ULK4: variants seen among roughly 807,000 people sequenced by gnomAD.
The protein encoded by ULK4 is inactive serine/threonine-protein kinase ULK4.
ULK4 carries 133 observed loss-of-function variants against 160.6 expected under a neutral mutation model. The ratio of observed to expected loss-of-function variants is 0.83; its 90% CI spans 0.72 to 0.96. ULK4 has a LOEUF of 0.96. Ranked by LOEUF, ULK4 falls within the 40% of genes least tolerant of loss-of-function variation. The pLI is 0.00. For missense variants in ULK4, 1,580 were observed against 1,499.5 expected (o/e 1.05, Z -0.89); for synonymous variants, 534 against 539.8 (o/e 0.99, Z 0.15).
chr3:41,552,178 G>A lies in ULK4; in HGVS notation c.3226+13847C>T, dbSNP rs370737888. Among the ~76,000 whole-genome samples the A allele has an allele frequency of 5.3e-4, 81 of 152,078 alleles. No homozygotes were observed. The South Asian group carries it at 0.016, about 30-fold the overall frequency. On this transcript the variant is annotated intron_variant, in intron 32 of 36. Coordinates refer to ENST00000301831, the MANE Select transcript of ULK4 (RefSeq NM_017886.4). Reference sequence around the variant, plus strand: ...CATGCTGTATGGTGGAAAACTGAAAGCCTTTCCTCTAAGAACTGGAACAAG... The same window carrying A: ...CATGCTGTATGGTGGAAAACTGAAAACCTTTCCTCTAAGAACTGGAACAAG...
chr3:41,791,620 C>T (rs1426629369), intron 20 of ULK4, among the ~76,000 whole-genome samples: 1 of 152,080 alleles, frequency 6.6e-6, no homozygotes, highest in Non-Finnish European at 1.5e-5. Context: ...CAAATTTTTC[C>T]AGTAAATGCA....
chr3:41,420,631 C>T (rs1481196280), intron 34 of ULK4, among the ~76,000 whole-genome samples: 1 of 151,170 alleles, frequency 6.6e-6, no homozygotes, highest in Non-Finnish European at 1.5e-5. Flanking sequence ...TACACAGGCA[C>T]CAGCTACCAT....
chr3:41,507,806 A>T (rs910027036), intron 32 of ULK4, among the ~76,000 whole-genome samples: 1 of 152,214 alleles, frequency 6.6e-6, no homozygotes, highest in Non-Finnish European at 1.5e-5. Flanking sequence ...CTATGAAGAA[A>T]TATTCAAATA....
chr3:41,571,932 G>A (rs571869241), intron 31 of ULK4, among the ~76,000 whole-genome samples: 1 of 152,334 alleles, frequency 6.6e-6, no homozygotes, highest in South Asian at 2.1e-4. Flanking sequence ...CAGGGGCCCA[G>A]TTATAAGCAG....
chr3:41,931,306 G>A lies in ULK4; in HGVS notation c.541+538C>T, dbSNP rs149644749. ...TGAGAACACATGGACACAGGGAGGG[G>A]AACATCACACACCGGGGCCTGTCAG... On this transcript the variant is annotated intron_variant, in intron 5 of 36. Transcript: ENST00000301831. Among the ~76,000 whole-genome samples the A allele has an allele frequency of 8.4e-3, 1,283 of 151,950 alleles. 17 individuals carry two copies. Among genetic ancestry groups the A allele is most frequent in the African/African-American group, 0.03 (1,234 of 41,422 alleles).
intron 31 of ULK4, among the ~76,000 whole-genome samples, chr3:41,575,926 G>C (rs1226388748): frequency 6.6e-6 from 1 of 152,246 alleles, no homozygotes; most frequent in Non-Finnish European, 1.5e-5. Flanking sequence ...CAGTGGGCCA[G>C]AGCCAAAGCT....
chr3:41,520,345 T>C (rs1334267084), intron 32 of ULK4, among the ~76,000 whole-genome samples: 1 of 152,160 alleles, frequency 6.6e-6, no homozygotes, highest in East Asian at 1.9e-4. Flanking sequence ...TTTCAGTTAA[T>C]GTAATGTTTT....
intron 17 of ULK4, among the ~76,000 whole-genome samples, chr3:41,853,799 G>A (rs1301068741): frequency 2.0e-5 from 3 of 152,152 alleles, no homozygotes; most frequent in Non-Finnish European, 4.4e-5. Flanking sequence ...TGTAGTGAGT[G>A]CCTTCCCATC....
At chr3:41,254,485 G>A (rs909003745) in intron 35 of ULK4, among the ~76,000 whole-genome samples, 1 of 152,180 alleles carries the variant, frequency 6.6e-6, no homozygotes, top group African/African-American at 2.4e-5. Context: ...CTGGAAGGGG[G>A]CTAAAGCAAT....
intron 27 of ULK4, among the ~76,000 whole-genome samples, chr3:41,695,810 T>C (rs1028775987): frequency 5.9e-5 from 9 of 152,148 alleles, no homozygotes; most frequent in Non-Finnish European, 5.9e-5. Flanking sequence ...ATACCATTAA[T>C]CATTAGTTTG....
At chr3:41,276,571 G>T (rs1192743322) in intron 35 of ULK4, among the ~76,000 whole-genome samples, 1 of 152,204 alleles carries the variant, frequency 6.6e-6, no homozygotes, top group Admixed American at 6.5e-5. Context: ...TTTGTCTTCA[G>T]TCTTTTTTAG....
chr3:41,323,676 C>G (rs950206709), intron 35 of ULK4, among the ~76,000 whole-genome samples: 2 of 152,062 alleles, frequency 1.3e-5, no homozygotes, highest in East Asian at 1.9e-4. Context: ...CCCGACCCCC[C>G]TCCCAGTGTC....
chr3:41,433,608 G>A (rs899414876), intron 34 of ULK4, among the ~76,000 whole-genome samples: 1 of 152,082 alleles, frequency 6.6e-6, no homozygotes, highest in South Asian at 2.1e-4. Context: ...CCATTAATGG[G>A]AAATCTTACT....
intron 18 of ULK4, among the ~76,000 whole-genome samples, chr3:41,831,025 T>A (rs2041564986): frequency 6.6e-6 from 1 of 151,522 alleles, no homozygotes; most frequent in South Asian, 2.1e-4. Context: ...TATTTATTTA[T>A]TTATTTATTG....
chr3:41,933,090 T>C (rs1699650110), intron 4 of ULK4, among the ~76,000 whole-genome samples: 2 of 152,198 alleles, frequency 1.3e-5, no homozygotes, highest in African/African-American at 4.8e-5. Flanking sequence ...TCTTAACTTC[T>C]AGTCACAAAT....
intron 35 of ULK4, among the ~76,000 whole-genome samples, chr3:41,368,028 T>A (rs1243953903): frequency 1.3e-5 from 2 of 152,090 alleles, no homozygotes; most frequent in East Asian, 3.9e-4. Flanking sequence ...CAACCATCAC[T>A]ATATATTCCA....
intron 32 of ULK4, among the ~76,000 whole-genome samples, chr3:41,532,926 C>T (rs1384763920): frequency 6.6e-6 from 1 of 152,176 alleles, no homozygotes; most frequent in Admixed American, 6.5e-5. Context: ...ACCCCTTGAA[C>T]CAATATGGCT....
At chr3:41,678,215 C>T (rs1017393865) in intron 29 of ULK4, among the ~76,000 whole-genome samples, 1 of 151,522 alleles carries the variant, frequency 6.6e-6, no homozygotes, top group Non-Finnish European at 1.5e-5. Context: ...CACACACACA[C>T]ACACACACAC....
In ULK4 at chr3:41,323,320, G is replaced by A. The variant is rs531207838; in HGVS notation, c.3679-73746C>T. On this transcript the variant is annotated intron_variant, in intron 35 of 36. Coordinates refer to ENST00000301831, the MANE Select transcript of ULK4 (RefSeq NM_017886.4). ...ACATATATTAAATTCATTAGAGTGGGGATGGGGGAATGGGAGTGAATATTG... is the reference window on the plus strand; with the variant it reads ...ACATATATTAAATTCATTAGAGTGGAGATGGGGGAATGGGAGTGAATATTG... Among the ~76,000 whole-genome samples the A allele has an allele frequency of 7.3e-5, 11 of 151,382 alleles. No homozygotes were observed. The East Asian group carries it at 1.6e-3, about 21-fold the overall frequency.
Sources: gnomAD v4.1 joint callset for allele counts (sites outside exome capture counted in the v4.1 genomes callset) on GRCh38, gnomAD v4.1.1 for gene constraint, MANE v1.5 for transcripts, NCBI Gene and HGNC (gene_info 2026-07-23, HGNC 2026-07-21) for gene names.